DSCAM: variants seen among roughly 807,000 people sequenced by gnomAD.
The protein encoded by DSCAM is DS cell adhesion molecule, also known as cell adhesion molecule DSCAM.
Under a neutral mutation model 217.7 loss-of-function variants are expected in DSCAM, and 47 were observed. That is an observed-to-expected ratio of 0.22 (90% CI 0.17 to 0.28). The LOEUF (loss-of-function observed/expected upper bound fraction) is 0.28, where lower values mean the gene tolerates loss of function less well. Among genes scored for constraint, DSCAM ranks in the 10% least tolerant of loss-of-function variants. The probability of loss-of-function intolerance (pLI) is 1.00; values close to 1 mark genes in which losing one functional copy is unlikely to be tolerated. For synonymous variants in DSCAM, 1,056 were observed against 1,015.3 expected, an observed-to-expected ratio of 1.04 and a Z score of -0.76; for missense variants, 2,080 against 2,618.3, an observed-to-expected ratio of 0.79 and a Z score of 4.49.
chr21:40,692,172 G>C (rs1358130509), intron 3 of DSCAM, among the ~76,000 whole-genome samples: 1 of 152,168 alleles, frequency 6.6e-6, no homozygotes, highest in Non-Finnish European at 1.5e-5. Context: ...TGCATCACGC[G>C]GACAGTCGCC....
At chr21:40,703,177 G>A (rs2090675684) in intron 2 of DSCAM, among the ~76,000 whole-genome samples, 3 of 152,032 alleles carry the variant, frequency 2.0e-5, no homozygotes, top group African/African-American at 7.3e-5. Flanking sequence ...GGATTCAGCT[G>A]ATGATAAATT....
chr21:40,532,252 A>G (rs547079878), intron 3 of DSCAM, among the ~76,000 whole-genome samples: 120 of 147,878 alleles, frequency 8.1e-4, no homozygotes, highest in African/African-American at 2.3e-3. Flanking sequence ...AGAACAATGA[A>G]TCTGAAATAC....
At chr21:40,077,491 C>T (rs559553653) in intron 26 of DSCAM, among the ~76,000 whole-genome samples, 1 of 152,320 alleles carries the variant, frequency 6.6e-6, no homozygotes, top group South Asian at 2.1e-4. Context: ...TTCACAGCCA[C>T]TCTTCTTAGG....
At chr21:40,435,581 G>A (rs532790145) in intron 3 of DSCAM, among the ~76,000 whole-genome samples, 49 of 150,986 alleles carry the variant, frequency 3.2e-4, no homozygotes, top group African/African-American at 8.7e-4. Flanking sequence ...TTAGGTGAAG[G>A]TTCATTTCTT....
chr21:40,704,825 T>C (rs916351020), intron 2 of DSCAM, among the ~76,000 whole-genome samples: 3 of 152,052 alleles, frequency 2.0e-5, no homozygotes, highest in African/African-American at 7.2e-5. Context: ...CAGGGAAGGG[T>C]AATTCAACTT....
At chr21:40,546,440 A>T (rs893890116) in intron 3 of DSCAM, among the ~76,000 whole-genome samples, 8 of 152,206 alleles carry the variant, frequency 5.3e-5, no homozygotes, top group Non-Finnish European at 1.0e-4. Context: ...TTCAAATAAC[A>T]GCCACTTCCC....
At chr21:40,741,916 G>A (rs1331759011) in intron 1 of DSCAM, among the ~76,000 whole-genome samples, 1 of 152,086 alleles carries the variant, frequency 6.6e-6, no homozygotes, top group Non-Finnish European at 1.5e-5. Flanking sequence ...AATTTCTACT[G>A]TATGCCAAGA....
chr21:40,173,502 C>A (rs1331990722), intron 15 of DSCAM, among the ~76,000 whole-genome samples: 1 of 152,154 alleles, frequency 6.6e-6, no homozygotes, highest in Non-Finnish European at 1.5e-5. Flanking sequence ...CAAAAATCTA[C>A]AGAGGCAGAT....
intron 1 of DSCAM, among the ~76,000 whole-genome samples, chr21:40,840,770 A>T (rs1366412136): frequency 6.6e-6 from 1 of 152,170 alleles, no homozygotes; most frequent in African/African-American, 2.4e-5. Flanking sequence ...TCAGAATGCA[A>T]GATAGGGACC....
At chr21:40,686,814 G>T (rs1363526015) in intron 3 of DSCAM, among the ~76,000 whole-genome samples, 1 of 152,172 alleles carries the variant, frequency 6.6e-6, no homozygotes, top group Non-Finnish European at 1.5e-5. Context: ...GGGCTCTCCA[G>T]AGCTGTAAAC....
At chr21:40,221,654 C>T (rs2091290074) in intron 11 of DSCAM, among the ~76,000 whole-genome samples, 1 of 152,036 alleles carries the variant, frequency 6.6e-6, no homozygotes, top group Non-Finnish European at 1.5e-5. Context: ...TTTTAGCCAA[C>T]AGTACAAAAG....
At chr21:40,698,787 T>C (rs1193024178) in intron 2 of DSCAM, among the ~76,000 whole-genome samples, 2 of 150,496 alleles carry the variant, frequency 1.3e-5, no homozygotes, top group South Asian at 2.1e-4. Context: ...GGAGAATCAC[T>C]TGAACCCGGG....
chr21:40,641,133 C>A (rs1212355862), intron 3 of DSCAM, among the ~76,000 whole-genome samples: 1 of 152,134 alleles, frequency 6.6e-6, no homozygotes, highest in African/African-American at 2.4e-5. Flanking sequence ...TGTAACTCAG[C>A]GTTTATTTTG....
intron 3 of DSCAM, among the ~76,000 whole-genome samples, chr21:40,597,133 C>A (rs2146254485): frequency 6.6e-6 from 1 of 152,280 alleles, no homozygotes; most frequent in East Asian, 1.9e-4. Flanking sequence ...AACACACTCT[C>A]AATAAATAGT....
At chr21:40,371,688 A>C (rs2123704344) in intron 3 of DSCAM, among the ~76,000 whole-genome samples, 1 of 152,310 alleles carries the variant, frequency 6.6e-6, no homozygotes, top group South Asian at 2.1e-4. Flanking sequence ...ATAAGGCTTT[A>C]GGGCGTATCA....
intron 14 of DSCAM, among the ~76,000 whole-genome samples, chr21:40,185,441 G>T (rs1263704063): frequency 6.6e-6 from 1 of 152,184 alleles, no homozygotes; most frequent in East Asian, 1.9e-4. Flanking sequence ...CTGAGCCCAG[G>T]CCTGCCACCA....
chr21:40,800,181 C>T (rs954150029), intron 1 of DSCAM, among the ~76,000 whole-genome samples: 1 of 152,206 alleles, frequency 6.6e-6, no homozygotes. Context: ...CAAAATGCAG[C>T]CCCTTGACCT....
chr21:40,713,146 G>A (rs1029628686), intron 1 of DSCAM, among the ~76,000 whole-genome samples: 1 of 152,198 alleles, frequency 6.6e-6, no homozygotes, highest in African/African-American at 2.4e-5. Flanking sequence ...GGGGATGTTG[G>A]CAGATGATAT....
chr21:40,694,804 G>C (rs1223039584), intron 2 of DSCAM, among the ~76,000 whole-genome samples: 4 of 151,838 alleles, frequency 2.6e-5, no homozygotes, highest in South Asian at 2.1e-4. Flanking sequence ...GTACAGAAAG[G>C]CTCCTGCATA....
Sources: gnomAD v4.1 joint callset for allele counts (sites outside exome capture counted in the v4.1 genomes callset) on GRCh38, gnomAD v4.1.1 for gene constraint, MANE v1.5 for transcripts, NCBI Gene and HGNC (gene_info 2026-07-23, HGNC 2026-07-21) for gene names.